AIMP1: variants seen among roughly 807,000 people sequenced by gnomAD.
AIMP1 encodes the protein aminoacyl tRNA synthetase complex interacting multifunctional protein 1.
A neutral mutation model predicts 33.1 loss-of-function variants in AIMP1; 24 were observed. The ratio of observed to expected loss-of-function variants is 0.73; its 90% confidence interval spans 0.53 to 1.02. The LOEUF (loss-of-function observed/expected upper bound fraction) is 1.02. Among genes scored for constraint, AIMP1 ranks in the 50% least tolerant of loss-of-function variants. The pLI, the probability that AIMP1 is intolerant of heterozygous loss-of-function variation, is 0.00. For missense variants in AIMP1, 367 were observed against 364.8 expected (o/e 1.01, Z -0.05); for synonymous variants, 120 against 121.5 (o/e 0.99, Z 0.08).
chr4:106,323,775 G>C lies in AIMP1; in HGVS notation c.-25-1210G>C, dbSNP rs571746582. On this transcript the variant is annotated intron_variant, in intron 1 of 6. Coordinates refer to ENST00000672341, the MANE Select transcript of AIMP1 (RefSeq NM_001142416.2). The stretch of plus-strand genomic sequence containing the variant: ...AATGAGTATCTGATTAGGCAGAATT[G>C]GCAAGTTTTACATCTCTAGCAAAGA... 8.5e-5 allele frequency among the ~76,000 whole-genome samples: 13 copies of C among 152,066 alleles called. No individual in the cohort carries two copies. In the East Asian group the frequency reaches 2.3e-3, roughly 27 times the overall value.
intron 1 of AIMP1, chr4:106,316,851 T>A: frequency 4.3e-6 from 2 of 462,588 alleles, no homozygotes; most frequent in East Asian, 6.9e-5. Flanking sequence ...TAAGCGTATT[T>A]ACTGTTATGT....
intron 6 of AIMP1, among the ~76,000 whole-genome samples, chr4:106,343,190 A>T (rs1770165809): frequency 6.6e-6 from 1 of 152,004 alleles, no homozygotes; most frequent in African/African-American, 2.4e-5. Context: ...AGAATTTATC[A>T]ATTTTCTAAT....
chr4:106,316,743 G>C, intron 1 of AIMP1, 149 bp downstream of exon 1: 1 of 663,828 alleles, frequency 1.5e-6, no homozygotes, highest in Non-Finnish European at 2.5e-6. Flanking sequence ...CTGGCCTAAG[G>C]AAACAGGAAA....
intron 2 of AIMP1, among the ~76,000 whole-genome samples, chr4:106,326,676 C>T (rs560234304): frequency 1.1e-3 from 160 of 152,074 alleles, no homozygotes; most frequent in Non-Finnish European, 1.8e-3. Flanking sequence ...ATAGTTTTTG[C>T]TTGTGTGGTA....
At chr4:106,332,947 C>T (rs1040765441) in intron 5 of AIMP1, among the ~76,000 whole-genome samples, 1 of 152,094 alleles carries the variant, frequency 6.6e-6, no homozygotes, top group Admixed American at 6.5e-5. Flanking sequence ...AAAATACTTA[C>T]ACATGGAATT....
At chr4:106,318,959 G>A (rs1420017621) in intron 1 of AIMP1, among the ~76,000 whole-genome samples, 1 of 151,966 alleles carries the variant, frequency 6.6e-6, no homozygotes, top group Non-Finnish European at 1.5e-5. Flanking sequence ...TTTTCATAAT[G>A]TACATAAAAT....
chr4:106,346,029 C>A (rs1770283890), intron 6 of AIMP1, among the ~76,000 whole-genome samples: 1 of 151,480 alleles, frequency 6.6e-6, no homozygotes, highest in African/African-American at 2.4e-5. Flanking sequence ...AATTATACTT[C>A]AGCAATTTTT....
At chr4:106,346,046 A>ATTT in intron 6 of AIMP1, among the ~76,000 whole-genome samples, 1 of 151,772 alleles carries the variant, frequency 6.6e-6, no homozygotes, top group African/African-American at 2.4e-5. Flanking sequence ...TTTTTTTATT[A>ATTT]CCTCCAGGAA....
chr4:106,315,545 C>T (rs1354284185), upstream of AIMP1: 1 of 152,266 alleles, frequency 6.6e-6, no homozygotes, highest in East Asian at 1.9e-4. Flanking sequence ...CTCTGCTTCA[C>T]TTTCTCCTAC....
At chr4:106,322,794 G>A (rs1769312493) in intron 1 of AIMP1, among the ~76,000 whole-genome samples, 1 of 152,036 alleles carries the variant, frequency 6.6e-6, no homozygotes, top group South Asian at 2.1e-4. Flanking sequence ...TTCGAGACCA[G>A]CCTGGCCAAC....
rs573202277 is a variant in AIMP1 at position 106,340,875 on chromosome 4, A to G, written c.772+3838A>G. Among the ~76,000 whole-genome samples, 10 of 152,280 alleles carry G rather than the reference A, an allele frequency of 6.6e-5. No individual in the cohort carries two copies. In the South Asian group the frequency reaches 2.1e-3, roughly 32 times the overall value. On this transcript the variant is annotated intron_variant, in intron 6 of 6. Coordinates refer to ENST00000672341, the MANE Select transcript of AIMP1 (RefSeq NM_001142416.2). ...TTTGAGAAACTCCAAACTGCTTTTC[A>G]CAGTGGCTGAACTAATTTGCATTCC...
At chr4:106,345,225 T>G (rs370867756) in intron 6 of AIMP1, among the ~76,000 whole-genome samples, 12 of 152,212 alleles carry the variant, frequency 7.9e-5, no homozygotes, top group African/African-American at 2.7e-4. Context: ...CCACACAATC[T>G]ATATTCTTTA....
intron 1 of AIMP1, among the ~76,000 whole-genome samples, chr4:106,319,405 G>A (rs1024547634): frequency 1.3e-5 from 2 of 152,102 alleles, no homozygotes; most frequent in Non-Finnish European, 2.9e-5. Context: ...ATAAATTCAT[G>A]TACAGTATTT....
In AIMP1 at chr4:106,341,149, T is replaced by C. The variant is rs530003645; in HGVS notation, c.772+4112T>C. Reference sequence around the variant, plus strand: ...TAAGTTCCTTATGGATTCTAGATATTAGAGTTTTGTTGGATGCATAGTTTG... The same window carrying C: ...TAAGTTCCTTATGGATTCTAGATATCAGAGTTTTGTTGGATGCATAGTTTG... On this transcript the variant is annotated intron_variant, in intron 6 of 6. Transcript: ENST00000672341. Among the ~76,000 whole-genome samples the C allele has an allele frequency of 1.7e-4, 26 of 152,362 alleles. No individual in the cohort carries two copies. The East Asian group carries it at 2.9e-3, about 17-fold the overall frequency.
At chr4:106,321,508 G>C (rs572522964) in intron 1 of AIMP1, 1 of 154,656 alleles carries the variant, frequency 6.5e-6, no homozygotes, top group Non-Finnish European at 1.4e-5. Flanking sequence ...CCCTCCGCCC[G>C]GCAGCCGCCC....
At chr4:106,328,343 AC>A in intron 4 of AIMP1, 100 bp downstream of exon 4, 1 of 1,374,998 alleles carries the variant, frequency 7.3e-7, no homozygotes. Context: ...GTAAAGTTCA[AC>A]TTTCATGAGC....
At chr4:106,334,700 G>T (rs1282172410) in intron 5 of AIMP1, among the ~76,000 whole-genome samples, 8 of 152,162 alleles carry the variant, frequency 5.3e-5, no homozygotes, top group Non-Finnish European at 4.4e-5. Context: ...AATAGGGAAA[G>T]AATCTAGTAA....
At chr4:106,317,902 G>C (rs1200830650) in intron 1 of AIMP1, among the ~76,000 whole-genome samples, 2 of 152,154 alleles carry the variant, frequency 1.3e-5, no homozygotes, top group Non-Finnish European at 2.9e-5. Context: ...CCAGGTAAAA[G>C]ATGGCCTTAT....
At chr4:106,344,694 G>C (rs188006218) in intron 6 of AIMP1, among the ~76,000 whole-genome samples, 163 of 152,192 alleles carry the variant, frequency 1.1e-3, no homozygotes, top group Non-Finnish European at 2.0e-3. Flanking sequence ...TACAAGCCCA[G>C]GTTCTTACAG....
Sources: allele counts gnomAD v4.1 joint callset (sites outside exome capture counted in the v4.1 genomes callset), GRCh38; gene constraint gnomAD v4.1.1; transcripts MANE v1.5; gene names NCBI Gene and HGNC (gene_info 2026-07-23, HGNC 2026-07-21).